Variants in AGMO observed in about 807,000 individuals in gnomAD.
The protein encoded by AGMO is glyceryl-ether monooxygenase.
A neutral mutation model predicts 60.2 loss-of-function variants in AGMO; 75 were observed. The observed-to-expected ratio is 1.25, with a 90% CI of 1.03 to 1.51. The LOEUF (loss-of-function observed/expected upper bound fraction) is 1.51, where lower values mean the gene tolerates loss of function less well. Among genes scored for constraint, AGMO ranks in the 40% most tolerant of loss-of-function variants. The pLI, the probability that AGMO is intolerant of heterozygous loss-of-function variation, is 0.00. For missense variants in AGMO, 763 were observed against 525.5 expected (o/e 1.45, Z -4.42); for synonymous variants, 261 against 177.1 (o/e 1.47, Z -3.76).
At chr7:15,255,471 T>A (rs373777801) in intron 12 of AGMO, among the ~76,000 whole-genome samples, 5 of 149,938 alleles carry the variant, frequency 3.3e-5, no homozygotes, top group African/African-American at 9.9e-5. Flanking sequence ...TGAAAAGGAT[T>A]GCATTCTTCC....
At chr7:15,552,867 C>G (rs1177423210) in intron 2 of AGMO, among the ~76,000 whole-genome samples, 1 of 149,772 alleles carries the variant, frequency 6.7e-6, no homozygotes, top group African/African-American at 2.4e-5. Flanking sequence ...AAGACACATG[C>G]ACACGTATGT....
chr7:15,163,602 G>T, the AGMO span, among the ~76,000 whole-genome samples: 5 of 151,864 alleles, frequency 3.3e-5, no homozygotes, highest in Admixed American at 6.6e-5. Flanking sequence ...TTTTAATTTT[G>T]TTTATATGGT....
chr7:15,462,296 T>C (rs981625025), intron 3 of AGMO, among the ~76,000 whole-genome samples: 4 of 152,182 alleles, frequency 2.6e-5, no homozygotes, highest in Admixed American at 2.6e-4. Context: ...AATTATCACC[T>C]TCTAATTTAC....
intron 12 of AGMO, among the ~76,000 whole-genome samples, chr7:15,287,378 G>A (rs1374096935): frequency 9.9e-5 from 15 of 152,058 alleles, no homozygotes; most frequent in East Asian, 1.9e-4. Flanking sequence ...CTTTGCCACC[G>A]ATATGTCCTC....
At chr7:15,547,757 C>G (rs1307377689) in intron 2 of AGMO, among the ~76,000 whole-genome samples, 2 of 151,968 alleles carry the variant, frequency 1.3e-5, no homozygotes, top group Non-Finnish European at 2.9e-5. Flanking sequence ...CCGCCATTGC[C>G]CGGGCTTGAT....
the AGMO span, among the ~76,000 whole-genome samples, chr7:15,145,036 G>A: frequency 1.3e-5 from 2 of 152,118 alleles, no homozygotes; most frequent in African/African-American, 2.4e-5. Flanking sequence ...CACCGTGTTA[G>A]CCAGGATGGG....
intron 3 of AGMO, among the ~76,000 whole-genome samples, chr7:15,506,797 C>T (rs1233275358): frequency 6.6e-6 from 1 of 151,720 alleles, no homozygotes; most frequent in Non-Finnish European, 1.5e-5. Flanking sequence ...GAGGTAAATA[C>T]ACACACAGAC....
At chr7:15,256,222 C>T (rs1783093831) in intron 12 of AGMO, among the ~76,000 whole-genome samples, 1 of 152,178 alleles carries the variant, frequency 6.6e-6, no homozygotes, top group Admixed American at 6.5e-5. Flanking sequence ...GGTGAGCAGC[C>T]AGAGTTTTGT....
At chr7:15,357,598 C>T (rs1471529421) in intron 12 of AGMO, among the ~76,000 whole-genome samples, 1 of 152,146 alleles carries the variant, frequency 6.6e-6, no homozygotes, top group Non-Finnish European at 1.5e-5. Context: ...AGTCTCTGAG[C>T]CTAGGCTTCA....
intron 11 of AGMO, 130 bp downstream of exon 11, chr7:15,366,010 G>A (rs1245087619): frequency 1.5e-6 from 1 of 649,556 alleles, no homozygotes; most frequent in South Asian, 2.7e-5. Flanking sequence ...ATAATGAGAA[G>A]TCAAATACCA....
In AGMO at chr7:15,555,282, TATATATATATAC is replaced by T. The variant is rs1260162399; in HGVS notation, c.257+4847_257+4858del. On this transcript the variant is annotated intron_variant, in intron 2 of 12. Transcript: ENST00000342526. ...TAATGTATTGGATCATATATATATA[TATATATATATAC>T]ACACACACACACACACACACACACA... Among the ~76,000 whole-genome samples the T allele has an allele frequency of 6.0e-5, 6 of 99,366 alleles. No homozygotes were observed. The East Asian group carries it at 1.6e-3, about 26-fold the overall frequency. The allele number at this position is 99,366 out of a possible 152,430, so 65.2% of individuals were successfully genotyped here. A position where few individuals can be genotyped will look rare whatever the true frequency, so the allele number is the denominator to read the frequency against.
At chr7:15,543,444 T>C (rs979189824) in intron 3 of AGMO, among the ~76,000 whole-genome samples, 1 of 152,192 alleles carries the variant, frequency 6.6e-6, no homozygotes, top group Non-Finnish European at 1.5e-5. Context: ...AAGAGGGCTT[T>C]TGCAGATGAG....
rs561697174 is a variant in AGMO, at chr7:15,385,442, T to C, written c.1074+4A>G. The stretch of plus-strand genomic sequence containing the variant: ...TCACACTACTTAAAATGGATATTAC[T>C]TACAGCTGTATCTGCAAAGGTCTCT... On this transcript the variant is annotated splice_donor_region_variant and intron_variant, in intron 10 of 12. Transcript: ENST00000342526. 2 of 1,539,406 alleles carry C rather than the reference T, an allele frequency of 1.3e-6. No individual in the cohort carries two copies. Among genetic ancestry groups the C allele is most frequent in the Non-Finnish European group, 1.8e-6 (2 of 1,114,272 alleles).
intron 5 of AGMO, among the ~76,000 whole-genome samples, chr7:15,414,802 A>T (rs929869358): frequency 6.6e-6 from 1 of 152,228 alleles, no homozygotes; most frequent in African/African-American, 2.4e-5. Flanking sequence ...GGAAACAAAT[A>T]CATCAATGAA....
At chr7:15,350,591 CA>C (rs1375685395) in intron 12 of AGMO, among the ~76,000 whole-genome samples, 1 of 152,020 alleles carries the variant, frequency 6.6e-6, no homozygotes, top group Non-Finnish European at 1.5e-5. Flanking sequence ...TGTTTTCTCC[CA>C]AGTGAGAATG....
At chr7:15,322,945 C>CAT (rs1235624000) in intron 12 of AGMO, among the ~76,000 whole-genome samples, 24 of 127,062 alleles carry the variant, frequency 1.9e-4, no homozygotes, top group East Asian at 1.5e-3. Flanking sequence ...TGTGTGTGTG[C>CAT]ATATATATAT....
intron 12 of AGMO, among the ~76,000 whole-genome samples, chr7:15,254,111 T>C: frequency 6.6e-6 from 1 of 152,144 alleles, no homozygotes; most frequent in East Asian, 1.9e-4. Context: ...ATTTTCTTTT[T>C]ATTCTTTCTT....
At chr7:15,396,692 G>C (rs938170868) in intron 5 of AGMO, 1 of 151,512 alleles carries the variant, frequency 6.6e-6, no homozygotes, top group Non-Finnish European at 1.5e-5. Flanking sequence ...ACAGAGAGCT[G>C]ATTGGTCCAC....
At chr7:15,139,161 A>C in the AGMO span, among the ~76,000 whole-genome samples, 1 of 152,170 alleles carries the variant, frequency 6.6e-6, no homozygotes. Flanking sequence ...ACTCCAGGTA[A>C]CATATACTTC....
Sources: gnomAD v4.1 joint callset for allele counts (sites outside exome capture counted in the v4.1 genomes callset) on GRCh38, gnomAD v4.1.1 for gene constraint, MANE v1.5 for transcripts, NCBI Gene and HGNC (gene_info 2026-07-23, HGNC 2026-07-21) for gene names.